The following DNAJC5B variants were observed in gnomAD, a reference collection of about 807,000 sequenced individuals.
The protein encoded by DNAJC5B is DnaJ heat shock protein family (Hsp40) member C5 beta.
Under a neutral mutation model 24.7 loss-of-function variants are expected in DNAJC5B, and 23 were observed. That is an observed-to-expected ratio of 0.93 (90% CI 0.67 to 1.32). The LOEUF (loss-of-function observed/expected upper bound fraction) is 1.32. Ranked by LOEUF, DNAJC5B falls within the 40% of genes most tolerant of loss-of-function variation. DNAJC5B has a pLI of 0.00. For synonymous variants in DNAJC5B, 101 were observed against 90.1 expected (o/e 1.12, Z -0.68); for missense variants, 238 against 240.8 (o/e 0.99, Z 0.08).
In DNAJC5B at chr8:66,051,539, C is replaced by T; in HGVS notation, c.-9C>T. 1.2e-6 allele frequency: 2 copies of T among 1,604,428 alleles called. No homozygotes were observed. The highest frequency in any genetic ancestry group is 1.7e-6 in the Non-Finnish European group (2 of 1,172,902). On this transcript the variant is annotated 5_prime_UTR_variant, in exon 3 of 6. Coordinates refer to ENST00000276570, the MANE Select transcript of DNAJC5B (RefSeq NM_033105.6). Reference sequence around the variant, plus strand: ...TATTTTCTCCCCTTTAGTTTTGCAGCCTTAGAAAATGGCATGTAACATACC... The same window carrying T: ...TATTTTCTCCCCTTTAGTTTTGCAGTCTTAGAAAATGGCATGTAACATACC...
intron 1 of DNAJC5B, among the ~76,000 whole-genome samples, chr8:66,022,248 C>G (rs888868785): frequency 9.2e-5 from 14 of 152,204 alleles, no homozygotes; most frequent in African/African-American, 3.4e-4. Flanking sequence ...GGGATGCGGA[C>G]AGTTCTGTTT....
chr8:66,048,131 A>T (rs116388454), intron 2 of DNAJC5B, among the ~76,000 whole-genome samples: 1,710 of 152,276 alleles, frequency 0.011, 19 homozygotes, highest in East Asian at 0.03. Flanking sequence ...GCCCCCCACT[A>T]GCCACCACCC....
At chr8:66,042,256 T>C (rs942768894) in intron 1 of DNAJC5B, among the ~76,000 whole-genome samples, 2 of 152,226 alleles carry the variant, frequency 1.3e-5, no homozygotes, top group Non-Finnish European at 2.9e-5. Context: ...GTTGAATGAA[T>C]ACTGCACTTT....
chr8:66,092,503 T>TAAC (rs1563613208), intron 5 of DNAJC5B, among the ~76,000 whole-genome samples: 1 of 152,132 alleles, frequency 6.6e-6, no homozygotes, highest in Admixed American at 6.5e-5. Context: ...GTAATTCGCC[T>TAAC]AACTCCTTTA....
At chr8:66,067,455 G>A (rs1480551137) in intron 3 of DNAJC5B, among the ~76,000 whole-genome samples, 1 of 152,058 alleles carries the variant, frequency 6.6e-6, no homozygotes, top group Non-Finnish European at 1.5e-5. Flanking sequence ...CAATTACTTT[G>A]GTGGTCATCA....
intron 5 of DNAJC5B, among the ~76,000 whole-genome samples, chr8:66,085,648 A>T (rs1043642778): frequency 1.3e-5 from 2 of 151,976 alleles, no homozygotes; most frequent in African/African-American, 4.8e-5. Flanking sequence ...TGTCCCATTG[A>T]TCTATGTGTC....
intron 3 of DNAJC5B, among the ~76,000 whole-genome samples, chr8:66,058,876 C>T (rs145006964): frequency 2.2e-3 from 340 of 152,264 alleles, no homozygotes; most frequent in African/African-American, 8.0e-3. Context: ...GCCTTATTGA[C>T]ATTTTGTGAA....
chr8:66,073,635 G>A (rs531077197), intron 3 of DNAJC5B, among the ~76,000 whole-genome samples: 10 of 152,234 alleles, frequency 6.6e-5, no homozygotes, highest in East Asian at 1.9e-4. Context: ...ATATGAAGAC[G>A]TATTTTAAAG....
At chr8:66,023,935 T>G (rs1477635529) in intron 1 of DNAJC5B, among the ~76,000 whole-genome samples, 1 of 152,146 alleles carries the variant, frequency 6.6e-6, no homozygotes, top group Non-Finnish European at 1.5e-5. Flanking sequence ...TTTTTCCAAT[T>G]AAATTTATTG....
intron 3 of DNAJC5B, 142 bp from the exon 4 acceptor site, chr8:66,076,518 T>C (rs1042215179): frequency 2.4e-6 from 2 of 848,866 alleles, no homozygotes; most frequent in Non-Finnish European, 3.7e-6. Context: ...AATGTACTTG[T>C]TAATCACCGC....
At chr8:66,027,969 A>G (rs1166740355) in intron 1 of DNAJC5B, among the ~76,000 whole-genome samples, 5 of 152,250 alleles carry the variant, frequency 3.3e-5, no homozygotes, top group Non-Finnish European at 7.3e-5. Context: ...AGAGTTAAGA[A>G]TTTAGTTGAG....
intron 3 of DNAJC5B, among the ~76,000 whole-genome samples, chr8:66,061,523 C>T (rs1170456498): frequency 6.6e-6 from 1 of 151,702 alleles, no homozygotes; most frequent in African/African-American, 2.4e-5. Context: ...TTTCCAAACT[C>T]AGCTAGGGCA....
At chr8:66,030,719 C>T (rs1009391597) in intron 1 of DNAJC5B, among the ~76,000 whole-genome samples, 3 of 152,134 alleles carry the variant, frequency 2.0e-5, no homozygotes, top group African/African-American at 7.2e-5. Flanking sequence ...TCACTGCAAC[C>T]TCTGCCTCCC....
chr8:66,080,309 G>A (rs956178174), intron 4 of DNAJC5B, 68 bp from the exon 5 acceptor site: 1 of 1,562,792 alleles, frequency 6.4e-7, no homozygotes, highest in Non-Finnish European at 8.7e-7. Context: ...GTACAGACTT[G>A]ATTTCATGGG....
At chr8:66,038,490 T>C (rs1806536680) in intron 1 of DNAJC5B, among the ~76,000 whole-genome samples, 1 of 152,224 alleles carries the variant, frequency 6.6e-6, no homozygotes, top group Non-Finnish European at 1.5e-5. Flanking sequence ...TTTTGGGTTC[T>C]GGGTACTCAT....
At chr8:66,071,732 T>C (rs532063751) in intron 3 of DNAJC5B, among the ~76,000 whole-genome samples, 72 of 152,274 alleles carry the variant, frequency 4.7e-4, no homozygotes, top group African/African-American at 1.6e-3. Flanking sequence ...ATCATTCTAC[T>C]ATAAAGACAC....
At chr8:66,018,088 T>C (rs1167293333), upstream of DNAJC5B, among the ~76,000 whole-genome samples, 1 of 152,204 alleles carries the variant, frequency 6.6e-6, no homozygotes, top group African/African-American at 2.4e-5. Context: ...ATTCAATTTC[T>C]TGGTCCAAGT....
intron 3 of DNAJC5B, among the ~76,000 whole-genome samples, chr8:66,063,029 AAATC>A (rs1258330331): frequency 1.2e-4 from 18 of 152,138 alleles, no homozygotes; most frequent in African/African-American, 4.1e-4. Context: ...AACAAACAAA[AAATC>A]AAAGTGAACT....
intron 1 of DNAJC5B, among the ~76,000 whole-genome samples, chr8:66,038,669 T>G (rs370525616): frequency 1.3e-5 from 2 of 152,136 alleles, no homozygotes; most frequent in East Asian, 1.9e-4. Flanking sequence ...ACCATCCTTG[T>G]TTTTGTTTTC....
Sources: gnomAD v4.1 joint callset for allele counts (sites outside exome capture counted in the v4.1 genomes callset) on GRCh38, gnomAD v4.1.1 for gene constraint, MANE v1.5 for transcripts, NCBI Gene and HGNC (gene_info 2026-07-23, HGNC 2026-07-21) for gene names.